The following COG3 variants were observed in gnomAD, a reference collection of about 807,000 sequenced individuals.
COG3 encodes component of oligomeric golgi complex 3, also known as conserved oligomeric Golgi complex subunit 3.
In COG3, 32 loss-of-function variants were observed where a neutral mutation model predicts 114.1. The ratio of observed to expected loss-of-function variants is 0.28; its 90% CI spans 0.21 to 0.38. The LOEUF (loss-of-function observed/expected upper bound fraction) is 0.38. Ranked by LOEUF, COG3 falls within the 10% of genes least tolerant of loss-of-function variation. The probability of loss-of-function intolerance (pLI) is 1.00; values close to 1 mark genes in which losing one functional copy is unlikely to be tolerated. For missense variants in COG3, 813 were observed against 973.2 expected, an observed-to-expected ratio of 0.84 and a Z score of 2.19; for synonymous variants, 352 against 365.7, an observed-to-expected ratio of 0.96 and a Z score of 0.43.
At chr13:45,521,883 A>G (rs1872192325) in intron 19 of COG3, among the ~76,000 whole-genome samples, 2 of 148,588 alleles carry the variant, frequency 1.3e-5, no homozygotes, top group East Asian at 2.0e-4. Context: ...GCTCACTGCA[A>G]CCTCTGCCTC....
At chr13:45,532,560 G>GTTTTTTT (rs59023921) in intron 22 of COG3, among the ~76,000 whole-genome samples, 1 of 82,500 alleles carries the variant, frequency 1.2e-5, no homozygotes, top group Non-Finnish European at 2.2e-5. Context: ...TCCTTCCATT[G>GTTTTTTT]TTTTTTTTTT....
intron 1 of COG3, among the ~76,000 whole-genome samples, chr13:45,471,651 T>C (rs975347929): frequency 3.9e-5 from 6 of 152,194 alleles, no homozygotes; most frequent in African/African-American, 1.4e-4. Flanking sequence ...TTATCTAGCG[T>C]TATATTCTGC....
chr13:45,473,409 G>C (rs1203043836), intron 1 of COG3, among the ~76,000 whole-genome samples: 1 of 152,012 alleles, frequency 6.6e-6, no homozygotes, highest in Non-Finnish European at 1.5e-5. Flanking sequence ...CCTAGCTTTC[G>C]TGTGTTTTCT....
At chr13:45,480,424 G>A in intron 4 of COG3, 134 bp downstream of exon 4, 1 of 611,786 alleles carries the variant, frequency 1.6e-6, no homozygotes, top group Non-Finnish European at 2.7e-6. Flanking sequence ...TGCTCAGCAT[G>A]CAGATTGTTA....
chr13:45,517,789 CT>C (rs1871699548), intron 17 of COG3, among the ~76,000 whole-genome samples: 1 of 152,106 alleles, frequency 6.6e-6, no homozygotes, highest in East Asian at 1.9e-4. Context: ...GATTTACTTT[CT>C]TTCATTTTTT....
intron 8 of COG3, among the ~76,000 whole-genome samples, chr13:45,487,179 A>G (rs1015225719): frequency 6.6e-6 from 1 of 152,212 alleles, no homozygotes; most frequent in Non-Finnish European, 1.5e-5. Context: ...ATTGCTGGGA[A>G]AACTAGATAT....
At position 45,500,113 on chromosome 13, in the gene COG3, TATAA is replaced by T. The variant is rs1448223074; in HGVS notation, c.1489-3129_1489-3126del. Among the ~76,000 whole-genome samples the T allele has an allele frequency of 1.0e-3, 112 of 108,918 alleles. 1 individual carries two copies. The highest frequency in any genetic ancestry group is 3.1e-3 in the African/African-American group (93 of 30,018). 71.5% of individuals were successfully genotyped at this position (108,918 alleles called of 152,430 possible). ...GTGTGTGTATATATATATATATATA[TATAA>T]AAAAGAGGCCTGATTATTTTATTTG... On this transcript the variant is annotated intron_variant, in intron 13 of 22. Coordinates refer to ENST00000349995, the MANE Select transcript of COG3 (RefSeq NM_031431.4).
Position 45,492,401 on chromosome 13 carries a change from A to G in COG3, c.1187+151A>G, listed in dbSNP as rs549536073. The G allele has an allele frequency of 2.2e-5, 11 of 501,210 alleles. 1 individual carries two copies. The South Asian group carries it at 2.5e-4, about 11-fold the overall frequency. The allele number at this position is 501,210 out of a possible 1,614,324, so 31.0% of individuals were successfully genotyped here. A position where few individuals can be genotyped will look rare whatever the true frequency, so the allele number is the denominator to read the frequency against. ...AACAGAATATTGTTGGGTGGGACAGATATTTTCTTAAAAGTTATTTTCTTA... is the reference window on the plus strand; with the variant it reads ...AACAGAATATTGTTGGGTGGGACAGGTATTTTCTTAAAAGTTATTTTCTTA... On this transcript the variant is annotated intron_variant, in intron 11 of 22. Coordinates refer to ENST00000349995, the MANE Select transcript of COG3 (RefSeq NM_031431.4).
chr13:45,502,925 AC>A (rs1416662934), intron 13 of COG3, among the ~76,000 whole-genome samples: 32 of 152,176 alleles, frequency 2.1e-4, no homozygotes, highest in African/African-American at 7.2e-4. Flanking sequence ...GATTTTCATT[AC>A]TAATTTAGTA....
In COG3 at chr13:45,465,145, G is replaced by C. The variant is rs755933277; in HGVS notation, c.109G>C (p.Asp37His). ...RRPDTTAPLT[D>H]RQTDSVLELK... is the part of the protein sequence containing the mutation. ...ACCGGACACGACGGCGCCGCTGACC[G>C]ACAGGCAGACGGACTCGGTATTGGA... is the stretch of plus-strand genomic sequence containing the variant. Residue 37 changes from aspartate to histidine, a missense_variant, in exon 1 of 23, where the codon GAC becomes CAC. This residue lies in a region of COG3 where 424 missense variants were observed against 430.6 expected (regional missense o/e 0.98). Coordinates refer to ENST00000349995, the MANE Select transcript of COG3 (RefSeq NM_031431.4). 48 of 1,613,482 alleles carry C rather than the reference G, an allele frequency of 3.0e-5. No individual in the cohort carries two copies. The South Asian group carries it at 4.9e-4, about 17-fold the overall frequency.
intron 15 of COG3, among the ~76,000 whole-genome samples, chr13:45,511,414 T>G (rs1033339624): frequency 9.9e-5 from 15 of 152,170 alleles, no homozygotes; most frequent in African/African-American, 3.6e-4. Flanking sequence ...TAAAGTTGGT[T>G]TTAGAGATTT....
chr13:45,496,294 T>C lies in COG3; in HGVS notation c.1470T>C (p.Asp490=). The part of the protein sequence containing the change: ...KPAPGDLAYP[D]KLVMMEQIAQ... ...CTCCTGGAGATCTGGCATATCCCGATAAGTTAGTCATGATGGAGGTAGGAT... is the reference window on the plus strand; with the variant it reads ...CTCCTGGAGATCTGGCATATCCCGACAAGTTAGTCATGATGGAGGTAGGAT... The change falls in exon 13 of 23, where the codon GAT becomes GAC. Residue 490 remains aspartate (D), a synonymous_variant. Transcript: ENST00000349995. 1.3e-6 allele frequency: 2 copies of C among 1,596,332 alleles called. No homozygotes were observed. Among genetic ancestry groups the C allele is most frequent in the Non-Finnish European group, 1.7e-6 (2 of 1,169,878 alleles).
chr13:45,483,293 C>A lies in COG3; in HGVS notation c.781C>A (p.His261Asn). 1 of 1,586,918 alleles carries A rather than the reference C, an allele frequency of 6.3e-7. No individual in the cohort carries two copies. The highest frequency in any genetic ancestry group is 8.7e-7 in the Non-Finnish European group (1 of 1,155,686). ...TAAACAGTGTCTTTCTAAAGCTTTG[C>A]ACCTCATGAAGACATATACTGTGAA... ...KFKQCLSKALHLMKTYTVNTL... is the reference protein window; with the variant it reads ...KFKQCLSKALNLMKTYTVNTL... The change falls in exon 7 of 23, where the codon CAC (histidine) becomes AAC (asparagine). Residue 261 changes from histidine (H) to asparagine (N), a missense_variant. Transcript: ENST00000349995.
intron 1 of COG3, among the ~76,000 whole-genome samples, chr13:45,468,273 A>G (rs1885267615): frequency 6.6e-6 from 1 of 152,208 alleles, no homozygotes; most frequent in Admixed American, 6.5e-5. Context: ...TTAACTCATG[A>G]TGAGTACTTA....
intron 1 of COG3, 30 bp downstream of exon 1, chr13:45,465,240 G>T (rs761623416): frequency 5.0e-6 from 8 of 1,609,542 alleles, no homozygotes; most frequent in Admixed American, 1.7e-5. Context: ...CCGGGCCGGG[G>T]CGATGGGGCT....
In COG3 at chr13:45,470,215, A is replaced by G. The variant is rs113998893; in HGVS notation, c.174+5005A>G. Among the ~76,000 whole-genome samples, 492 of 152,320 alleles carry G rather than the reference A, an allele frequency of 3.2e-3. 5 individuals are homozygous for G. Among genetic ancestry groups the G allele is most frequent in the African/African-American group, 0.012 (482 of 41,574 alleles). Reference sequence around the variant, plus strand: ...TGGGTTTAAGGTATACTTCCTTTGTATATGCATAGACCATCTTAGAAAAGA... The same window carrying G: ...TGGGTTTAAGGTATACTTCCTTTGTGTATGCATAGACCATCTTAGAAAAGA... On this transcript the variant is annotated intron_variant, in intron 1 of 22. Transcript: ENST00000349995.
At chr13:45,509,920 C>T in intron 15 of COG3, 104 bp downstream of exon 15, 2 of 1,214,990 alleles carry the variant, frequency 1.6e-6, no homozygotes, top group Non-Finnish European at 2.3e-6. Context: ...TTCTTAAAAT[C>T]ATGATTTTTA....
At chr13:45,528,757 C>T (rs1006805351) in intron 20 of COG3, among the ~76,000 whole-genome samples, 1 of 152,172 alleles carries the variant, frequency 6.6e-6, no homozygotes, top group African/African-American at 2.4e-5. Flanking sequence ...TTATTGGATG[C>T]ATCGAATACA....
intron 10 of COG3, 143 bp downstream of exon 10, chr13:45,491,681 G>T (rs919946478): frequency 4.2e-6 from 3 of 715,290 alleles, no homozygotes; most frequent in South Asian, 3.4e-5. Flanking sequence ...AATCTAGTTT[G>T]GTAATTAGCC....
Sources: gnomAD v4.1 joint callset for allele counts (sites outside exome capture counted in the v4.1 genomes callset) on GRCh38, gnomAD v4.1.1 for gene constraint, gnomAD v4.1.1 regional missense constraint, MANE v1.5 for transcripts, NCBI Gene and HGNC (gene_info 2026-07-23, HGNC 2026-07-21) for gene names.